Variants in STARD10 observed in about 807,000 individuals in gnomAD.
STARD10 encodes the protein StAR related lipid transfer domain containing 10.
Under a neutral mutation model 36.0 loss-of-function variants are expected in STARD10, and 24 were observed. The observed-to-expected ratio is 0.67, with a 90% CI of 0.48 to 0.94. The LOEUF is 0.94. Among genes scored for constraint, STARD10 ranks in the 40% least tolerant of loss-of-function variants. The pLI, the probability that STARD10 is intolerant of heterozygous loss-of-function variation, is 0.00. For missense variants in STARD10, 335 were observed against 396.6 expected, an observed-to-expected ratio of 0.84 and a Z score of 1.32; for synonymous variants, 156 against 161.9, an observed-to-expected ratio of 0.96 and a Z score of 0.28.
At chr11:72,759,559 C>T (rs968745479) in intron 2 of STARD10, among the ~76,000 whole-genome samples, 178 bp from the exon 3 acceptor site, 1 of 152,174 alleles carries the variant, frequency 6.6e-6, no homozygotes, top group African/African-American at 2.4e-5. Context: ...CCCAAAAAGC[C>T]ACCTGTGCCA....
Position 72,755,290 on chromosome 11 carries a change from G to C in STARD10, c.631-148C>G, listed in dbSNP as rs576085651. ...CCCTACTTGCCCTCCCTGGGCCCTA[G>C]GCTCCATTCTCCATTCTTTTTTTTT... On this transcript the variant is annotated intron_variant, in intron 6 of 6. Coordinates refer to ENST00000334805, the MANE Select transcript of STARD10 (RefSeq NM_006645.3). 259 of 746,822 alleles carry C rather than the reference G, an allele frequency of 3.5e-4. No individual in the cohort carries two copies. The Middle Eastern group carries it at 3.9e-3, about 11-fold the overall frequency. 46.3% of individuals were successfully genotyped at this position (746,822 alleles called of 1,614,324 possible). A position where few individuals can be genotyped will look rare whatever the true frequency, so the allele number is the denominator to read the frequency against.
chr11:72,781,535 G>A lies in STARD10; in HGVS notation c.-113-241C>T, dbSNP rs1403343246. 7.6e-5 allele frequency: 16 copies of A among 209,508 alleles called. No individual in the cohort carries two copies. The highest frequency in any genetic ancestry group is 1.7e-4 in the Admixed American group (3 of 17,630). The allele number at this position is 209,508 out of a possible 1,614,324, so 13.0% of individuals were successfully genotyped here. On this transcript the variant is annotated intron_variant, in intron 1 of 6. Coordinates refer to ENST00000334805, the MANE Select transcript of STARD10 (RefSeq NM_006645.3). This position sits in a 1 kb window ranked among gnomAD's most constrained non-coding sequence, Gnocchi z 4.7. ...GCCCGTCGGGACCCAGGGACTGGCC[G>A]GGACCCGAGGGGAGGGACGGTGCGG...
intron 2 of STARD10, chr11:72,766,231 C>G (rs555320406): frequency 6.6e-6 from 1 of 152,438 alleles, no homozygotes; most frequent in African/African-American, 2.4e-5. Flanking sequence ...TGGGTGCCTC[C>G]CACATCTCAC....
intron 2 of STARD10, among the ~76,000 whole-genome samples, chr11:72,772,161 TC>T (rs1240757441): frequency 1.3e-5 from 2 of 151,932 alleles, no homozygotes; most frequent in Non-Finnish European, 2.9e-5. Flanking sequence ...GGCATGGTTC[TC>T]CCTGTGCCCG....
rs764495463 is a variant in STARD10 at position 72,755,768 on chromosome 11, A to C, written c.578-15T>G. 1 of 1,607,646 alleles carries C rather than the reference A, an allele frequency of 6.2e-7. No homozygotes were observed. Among genetic ancestry groups the C allele is most frequent in the Non-Finnish European group, 8.5e-7 (1 of 1,176,424 alleles). On this transcript the variant is annotated splice_polypyrimidine_tract_variant and intron_variant, in intron 5 of 6. Coordinates refer to ENST00000334805, the MANE Select transcript of STARD10 (RefSeq NM_006645.3). ...GGGTAAGGAGCCTGTGAGGGCAGGG[A>C]AGGGAGGAAGCAGCCTCAGGGACCC...
At position 72,793,159 on chromosome 11, in the gene STARD10, C is replaced by G. The variant is rs1859170693; in HGVS notation, c.-398G>C. ...AGGATTAGGCTTTAGCTCTTGCTCA[C>G]AGCCTGCTGAGACCTGGGGCAAGCC... On this transcript the variant is annotated 5_prime_UTR_variant, in exon 1 of 7. Transcript: ENST00000334805. 1 of 152,280 alleles carries G rather than the reference C, an allele frequency of 6.6e-6. No individual in the cohort carries two copies. Among genetic ancestry groups the G allele is most frequent in the Non-Finnish European group, 1.5e-5 (1 of 68,050 alleles). The allele number at this position is 152,280 out of a possible 1,614,324, so 9.4% of individuals were successfully genotyped here. A position where few individuals can be genotyped will look rare whatever the true frequency, so the allele number is the denominator to read the frequency against.
intron 1 of STARD10, among the ~76,000 whole-genome samples, chr11:72,790,649 G>C (rs1007782427): frequency 6.6e-6 from 1 of 152,372 alleles, no homozygotes; most frequent in East Asian, 1.9e-4. Flanking sequence ...CACCCTGAAA[G>C]GGCCAGAAAG....
chr11:72,787,596 T>C (rs990607068), intron 1 of STARD10, among the ~76,000 whole-genome samples: 9 of 152,238 alleles, frequency 5.9e-5, no homozygotes, highest in South Asian at 2.1e-4. Context: ...TCGATGTCTA[T>C]TGGACACTGG....
chr11:72,759,281 A>G lies in STARD10; in HGVS notation c.308T>C (p.Phe103Ser), dbSNP rs1489887834. 1.9e-6 allele frequency: 3 copies of G among 1,614,160 alleles called. No homozygotes were observed. The highest frequency in any genetic ancestry group is 2.2e-5 in the South Asian group (2 of 91,078). The stretch of plus-strand genomic sequence containing the variant: ...GTTGACTGTCAAGCGGGCGATGTCA[A>G]AAGTCTCAATGACGTTGCTGTCCCA... Reference protein sequence around the residue: ...KKWDSNVIETFDIARLTVNAD... With the variant: ...KKWDSNVIETSDIARLTVNAD... The change falls in exon 3 of 7, where the codon TTT becomes TCT. Residue 103 changes from phenylalanine to serine, a missense_variant. Physicochemically the swap from Phe to Ser is radical, Grantham distance 155. Coordinates refer to ENST00000334805, the MANE Select transcript of STARD10 (RefSeq NM_006645.3).
At chr11:72,785,099 G>A (rs956196077) in intron 1 of STARD10, among the ~76,000 whole-genome samples, 3 of 152,126 alleles carry the variant, frequency 2.0e-5, no homozygotes, top group African/African-American at 7.2e-5. Context: ...GGCTGTTGGG[G>A]GAGGGGTCAG....
chr11:72,771,769 C>T (rs1157694973), intron 2 of STARD10, among the ~76,000 whole-genome samples: 1 of 152,130 alleles, frequency 6.6e-6, no homozygotes, highest in Non-Finnish European at 1.5e-5. Flanking sequence ...CAGAGGCTGG[C>T]CTCCTGCCCT....
At position 72,781,436 on chromosome 11, in the gene STARD10, C is replaced by A. The variant is rs1261887126; in HGVS notation, c.-113-142G>T. On this transcript the variant is annotated intron_variant, in intron 1 of 6. Transcript: ENST00000334805. This position sits in a 1 kb window ranked among gnomAD's most constrained non-coding sequence, Gnocchi z 4.7. The stretch of plus-strand genomic sequence containing the variant: ...ACGGGCGCTGGACAGCCTCGGGGTC[C>A]CCCTCCCGAGGAGCGCCCCAGACCC... 1.1e-4 allele frequency: 57 copies of A among 518,058 alleles called. No homozygotes were observed. Among genetic ancestry groups the A allele is most frequent in the Non-Finnish European group, 7.0e-6 (2 of 285,400 alleles). 32.1% of individuals were successfully genotyped at this position (518,058 alleles called of 1,614,324 possible). A position where few individuals can be genotyped will look rare whatever the true frequency, so the allele number is the denominator to read the frequency against.
At chr11:72,757,677 A>C in intron 5 of STARD10, 90 bp downstream of exon 5, 1 of 1,201,398 alleles carries the variant, frequency 8.3e-7, no homozygotes, top group South Asian at 1.3e-5. Context: ...AGCTCCTAAC[A>C]GATGCCCTTC....
chr11:72,775,619 C>A (rs1186309459), intron 2 of STARD10, among the ~76,000 whole-genome samples: 2 of 152,122 alleles, frequency 1.3e-5, no homozygotes, highest in Non-Finnish European at 2.9e-5. Context: ...CTTCCCTGAC[C>A]CCCAAGGCTG....
chr11:72,763,753 G>A (rs1858751129), intron 2 of STARD10, among the ~76,000 whole-genome samples: 1 of 152,228 alleles, frequency 6.6e-6, no homozygotes, highest in African/African-American at 2.4e-5. Flanking sequence ...AGAAGACAGA[G>A]GCCGGATCTG....
intron 2 of STARD10, among the ~76,000 whole-genome samples, chr11:72,762,461 T>C (rs562505): frequency 0.12 from 18,795 of 151,978 alleles, 3,966 homozygotes; most frequent in African/African-American, 0.43. Context: ...ATATTGTTTG[T>C]GTCACCCTAA....
intron 1 of STARD10, among the ~76,000 whole-genome samples, chr11:72,783,771 C>A (rs982270418): frequency 1.3e-5 from 2 of 152,128 alleles, no homozygotes; most frequent in South Asian, 2.1e-4. Flanking sequence ...TCATACCCAC[C>A]ATCCAGTCCA....
At chr11:72,764,368 T>C (rs908638588) in intron 2 of STARD10, among the ~76,000 whole-genome samples, 23 of 152,320 alleles carry the variant, frequency 1.5e-4, no homozygotes, top group African/African-American at 4.6e-4. Flanking sequence ...GACAGACCAG[T>C]TGCTCAGCGT....
chr11:72,758,454 G>A (rs923729865), intron 4 of STARD10, 76 bp downstream of exon 4: 1 of 1,207,136 alleles, frequency 8.3e-7, no homozygotes, highest in African/African-American at 1.5e-5. Flanking sequence ...TCATATTGAA[G>A]TCATGGTGGC....
Sources: allele counts gnomAD v4.1 joint callset (sites outside exome capture counted in the v4.1 genomes callset), GRCh38; gene constraint gnomAD v4.1.1; non-coding constraint Gnocchi (gnomAD v3.1); transcripts MANE v1.5; gene names NCBI Gene and HGNC (gene_info 2026-07-23, HGNC 2026-07-21).